The following FILIP1L variants were observed in gnomAD, a reference collection of about 807,000 sequenced individuals.
FILIP1L encodes the protein filamin A-interacting protein 1-like.
FILIP1L carries 55 observed loss-of-function variants against 96.6 expected under a neutral mutation model. The ratio of observed to expected loss-of-function variants is 0.57; its 90% confidence interval spans 0.46 to 0.71. FILIP1L has a LOEUF of 0.71. FILIP1L is among the 30% of genes least tolerant of loss of function. The probability of loss-of-function intolerance (pLI) is 0.00; values close to 1 mark genes in which losing one functional copy is unlikely to be tolerated. For missense variants in FILIP1L, 1,304 were observed against 1,321.2 expected (o/e 0.99, Z 0.20); for synonymous variants, 467 against 473.9 (o/e 0.99, Z 0.19).
intron 4 of FILIP1L, among the ~76,000 whole-genome samples, chr3:99,882,822 G>A (rs79109899): frequency 0.012 from 1,764 of 152,290 alleles, 18 homozygotes; most frequent in African/African-American, 0.026. Flanking sequence ...TGAGCTAGTT[G>A]TCTACTTTAT....
At chr3:99,931,856 G>C (rs1429530007) in intron 1 of FILIP1L, among the ~76,000 whole-genome samples, 1 of 152,202 alleles carries the variant, frequency 6.6e-6, no homozygotes, top group African/African-American at 2.4e-5. Flanking sequence ...TTCTTCCACT[G>C]TTGAGGTTTA....
At chr3:100,108,994 A>G (rs1008667560) in intron 1 of FILIP1L, among the ~76,000 whole-genome samples, 4 of 151,790 alleles carry the variant, frequency 2.6e-5, no homozygotes, top group African/African-American at 9.7e-5. Flanking sequence ...TTTTGGTCCC[A>G]TGGCTTTTTC....
intron 4 of FILIP1L, among the ~76,000 whole-genome samples, chr3:99,884,141 C>A (rs1705820358): frequency 6.6e-6 from 1 of 152,072 alleles, no homozygotes; most frequent in African/African-American, 2.4e-5. Flanking sequence ...TGTGCAGTAG[C>A]CTGTTCAGGG....
At position 99,899,956 on chromosome 3, in the gene FILIP1L, G is replaced by A. The variant is rs150724729; in HGVS notation, c.605+24274C>T. Among the ~76,000 whole-genome samples, 11 of 152,214 alleles carry A rather than the reference G, an allele frequency of 7.2e-5. No individual in the cohort carries two copies. In the East Asian group the frequency reaches 1.9e-3, roughly 27 times the overall value. On this transcript the variant is annotated intron_variant, in intron 4 of 5. Coordinates refer to ENST00000477258, the MANE Select transcript of FILIP1L (RefSeq NM_001387850.1). ...AGTACATTCCTAAGGTGCTAAATAC[G>A]GTGTTCTGGTTCTACTGGATCTTTG...
At chr3:100,062,067 T>C (rs915202930) in intron 1 of FILIP1L, among the ~76,000 whole-genome samples, 8 of 147,010 alleles carry the variant, frequency 5.4e-5, no homozygotes, top group African/African-American at 1.8e-4. Flanking sequence ...TCTGGAAATA[T>C]CCACTTGTGG....
intron 4 of FILIP1L, among the ~76,000 whole-genome samples, chr3:99,905,063 G>T (rs1706568676): frequency 6.6e-6 from 1 of 152,144 alleles, no homozygotes; most frequent in South Asian, 2.1e-4. Flanking sequence ...TAACATAGTT[G>T]ACTGCCTGGT....
intron 1 of FILIP1L, among the ~76,000 whole-genome samples, chr3:99,934,284 C>G (rs1351995314): frequency 6.6e-6 from 1 of 152,232 alleles, no homozygotes; most frequent in Non-Finnish European, 1.5e-5. Flanking sequence ...AAGGAATTAA[C>G]TGCAGCCATC....
rs116699317 is a variant in FILIP1L, at chr3:99,830,593, A to G, written c.3394T>C (p.Cys1132Arg). Residue 1132 changes from cysteine to arginine, a missense_variant, in exon 6 of 6, where the codon TGC (cysteine) becomes CGC (arginine). Coordinates refer to ENST00000477258, the MANE Select transcript of FILIP1L (RefSeq NM_001387850.1). ...ATCCGTGCTGGGATTCTCTGCTTGC[A>G]TACCTCCTTGATCTTGAATTAAACA... is the stretch of plus-strand genomic sequence containing the variant. ...RQSQITIKEV[C>R]KQRIPARIPK... The G allele has an allele frequency of 2.4e-5, 11 of 456,622 alleles. No individual in the cohort carries two copies. Among genetic ancestry groups the G allele is most frequent in the East Asian group, 6.9e-5 (1 of 14,392 alleles). The allele number at this position is 456,622 out of a possible 1,614,324, so 28.3% of individuals were successfully genotyped here. A position where few individuals can be genotyped will look rare whatever the true frequency, so the allele number is the denominator to read the frequency against.
At chr3:100,055,794 A>T (rs1024194530) in intron 1 of FILIP1L, among the ~76,000 whole-genome samples, 3 of 152,168 alleles carry the variant, frequency 2.0e-5, no homozygotes, top group African/African-American at 7.2e-5. Flanking sequence ...AATTTCAGAA[A>T]TTTTTTAATA....
intron 1 of FILIP1L, among the ~76,000 whole-genome samples, chr3:99,951,590 T>C (rs1708178855): frequency 6.6e-6 from 1 of 152,126 alleles, no homozygotes; most frequent in Admixed American, 6.5e-5. Flanking sequence ...GAAATAGTGA[T>C]GAAGCAAGTG....
rs767721300 is a variant in FILIP1L, at chr3:99,924,333, G to A, written c.502C>T (p.Arg168Cys). The A allele has an allele frequency of 1.4e-5, 22 of 1,613,774 alleles. 1 individual carries two copies. The East Asian group carries it at 1.6e-4, about 11-fold the overall frequency. ...LGQLLVAEKSRRQTILELEEE... is the reference protein window; with the variant it reads ...LGQLLVAEKSCRQTILELEEE... ...TCCAACTCCAATATGGTTTGCCTACGGGATTTTTCTGCCACTAAAAGCTGT... is the reference window on the plus strand; with the variant it reads ...TCCAACTCCAATATGGTTTGCCTACAGGATTTTTCTGCCACTAAAAGCTGT... The change falls in exon 4 of 6, where the codon CGT becomes TGT. Residue 168 changes from arginine to cysteine, a missense_variant. Physicochemically the swap from Arg to Cys is radical, Grantham distance 180 (BLOSUM62 -3). Transcript: ENST00000477258.
At chr3:99,831,270 A>C (rs755080465) in intron 5 of FILIP1L, among the ~76,000 whole-genome samples, 33 of 152,372 alleles carry the variant, frequency 2.2e-4, no homozygotes, top group Non-Finnish European at 4.0e-4. Flanking sequence ...AGATATGTTA[A>C]AAGTAGAATT....
intron 1 of FILIP1L, among the ~76,000 whole-genome samples, chr3:99,990,857 C>A (rs1709489936): frequency 1.3e-5 from 2 of 152,148 alleles, no homozygotes; most frequent in South Asian, 4.1e-4. Context: ...CATATTTTCT[C>A]CAACAGATAA....
chr3:99,977,129 A>G (rs1366334360), intron 1 of FILIP1L, among the ~76,000 whole-genome samples: 1 of 152,220 alleles, frequency 6.6e-6, no homozygotes, highest in African/African-American at 2.4e-5. Flanking sequence ...GAACATTGTC[A>G]TGGAGGGATG....
chr3:99,843,238 G>C (rs1379138599), intron 5 of FILIP1L, among the ~76,000 whole-genome samples: 1 of 152,086 alleles, frequency 6.6e-6, no homozygotes, highest in Non-Finnish European at 1.5e-5. Flanking sequence ...TGAGGGCCTG[G>C]GATTGAGAGA....
At chr3:99,899,257 C>A (rs947083877) in intron 4 of FILIP1L, among the ~76,000 whole-genome samples, 17 of 152,142 alleles carry the variant, frequency 1.1e-4, no homozygotes, top group Non-Finnish European at 2.2e-4. Flanking sequence ...TTGAACAGGA[C>A]ACTTGGTTAT....
chr3:100,065,197 C>G (rs2065643387), intron 1 of FILIP1L, among the ~76,000 whole-genome samples: 1 of 152,186 alleles, frequency 6.6e-6, no homozygotes, highest in Non-Finnish European at 1.5e-5. Flanking sequence ...CCCAGACTTA[C>G]TGAATCTGAA....
chr3:99,837,241 G>A (rs1216854925), intron 5 of FILIP1L, among the ~76,000 whole-genome samples: 1 of 152,110 alleles, frequency 6.6e-6, no homozygotes, highest in African/African-American at 2.4e-5. Context: ...TTGCCCTAAA[G>A]GAATAACTAT....
intron 1 of FILIP1L, among the ~76,000 whole-genome samples, chr3:100,038,419 C>CT (rs1291968744): frequency 6.6e-6 from 1 of 152,066 alleles, no homozygotes; most frequent in East Asian, 1.9e-4. Flanking sequence ...CAAATTATTT[C>CT]TTTTTTCACC....
Sources: gnomAD v4.1 joint callset for allele counts (sites outside exome capture counted in the v4.1 genomes callset) on GRCh38, gnomAD v4.1.1 for gene constraint, MANE v1.5 for transcripts, NCBI Gene and HGNC (gene_info 2026-07-23, HGNC 2026-07-21) for gene names.